Variants in ZNF653 observed in about 807,000 individuals in gnomAD.
The protein encoded by ZNF653 is zinc finger protein 653.
In ZNF653, 37 loss-of-function variants were observed where a neutral mutation model predicts 59.9. The ratio of observed to expected loss-of-function variants is 0.62; its 90% CI spans 0.48 to 0.81. ZNF653 has a LOEUF of 0.81. ZNF653 is among the 40% of genes least tolerant of loss of function. ZNF653 has a pLI of 0.00. For synonymous variants in ZNF653, 435 were observed against 371.8 expected, an observed-to-expected ratio of 1.17 and a Z score of -1.96; for missense variants, 808 against 881.1, an observed-to-expected ratio of 0.92 and a Z score of 1.05.
chr19:11,488,142 C>G (rs995803869), intron 3 of ZNF653, among the ~76,000 whole-genome samples: 5 of 146,946 alleles, frequency 3.4e-5, no homozygotes, highest in Admixed American at 2.7e-4. Flanking sequence ...TGTGCGCCAC[C>G]ACACCTGGCT....
chr19:11,500,456 T>G (rs999998946), intron 1 of ZNF653, among the ~76,000 whole-genome samples: 4 of 152,186 alleles, frequency 2.6e-5, no homozygotes, highest in African/African-American at 9.7e-5. Flanking sequence ...TGCCTCAGCC[T>G]CCTGAGTAGC....
At position 11,505,521 on chromosome 19, in the gene ZNF653, G is replaced by A. The variant is rs1174948224; in HGVS notation, c.266C>T (p.Ser89Phe). 2.0e-6 allele frequency: 3 copies of A among 1,514,520 alleles called. No homozygotes were observed. Among genetic ancestry groups the A allele is most frequent in the African/African-American group, 2.9e-5 (2 of 69,170 alleles). The allele number at this position is 1,514,520 out of a possible 1,614,324, so 93.8% of individuals were successfully genotyped here. Residue 89 changes from serine (S) to phenylalanine (F), a missense_variant, in exon 1 of 9, where the codon TCT (serine) becomes TTT (phenylalanine). Coordinates refer to ENST00000293771, the MANE Select transcript of ZNF653 (RefSeq NM_138783.4). Reference sequence around the variant, plus strand: ...GCCGCTCCGCTGGCCGCGCTCCAGAGAGATGAGGTAGGCGGCGAGCTTGGC... The same window carrying A: ...GCCGCTCCGCTGGCCGCGCTCCAGAAAGATGAGGTAGGCGGCGAGCTTGGC... ...SDAKLAAYLI[S>F]LERGQRSGRH...
In ZNF653 at chr19:11,490,769, G is replaced by A. The variant is rs1599562925; in HGVS notation, c.560-2866C>T. On this transcript the variant is annotated intron_variant, in intron 3 of 8. Transcript: ENST00000293771. ...CAGCTTCTGCCTACACCTCCATGTC[G>A]AGCTCCAGATTCTTCCATCTCATTG... Among the ~76,000 whole-genome samples, 3 of 152,084 alleles carry A rather than the reference G, an allele frequency of 2.0e-5. No homozygotes were observed. The South Asian group carries it at 6.2e-4, about 32-fold the overall frequency.
intron 3 of ZNF653, among the ~76,000 whole-genome samples, chr19:11,491,406 G>C (rs1397747269): frequency 1.3e-5 from 2 of 152,172 alleles, no homozygotes; most frequent in Non-Finnish European, 2.9e-5. Flanking sequence ...CAGTCTGCAG[G>C]ATGGAAGCAC....
chr19:11,483,900 G>A lies in ZNF653; in HGVS notation c.1671-41C>T, dbSNP rs770567836. ...GGCGGGACGGGGCGGGGTCAGAGTG[G>A]GCGGGGCGGGGCGGGGCCCTACAAG... On this transcript the variant is annotated intron_variant, in intron 8 of 8. Coordinates refer to ENST00000293771, the MANE Select transcript of ZNF653 (RefSeq NM_138783.4). The A allele has an allele frequency of 6.0e-6, 9 of 1,504,010 alleles. No individual in the cohort carries two copies. The African/African-American group carries it at 1.2e-4, about 21-fold the overall frequency. The allele number at this position is 1,504,010 out of a possible 1,614,324, so 93.2% of individuals were successfully genotyped here. A position where few individuals can be genotyped will look rare whatever the true frequency, so the allele number is the denominator to read the frequency against.
Position 11,496,181 on chromosome 19 carries a change from C to A in ZNF653, c.344-16G>T. On this transcript the variant is annotated splice_polypyrimidine_tract_variant and intron_variant, in intron 2 of 8. Coordinates refer to ENST00000293771, the MANE Select transcript of ZNF653 (RefSeq NM_138783.4). Reference sequence around the variant, plus strand: ...CGTCGCCGCCCTATGGACACAGGGCCGAGGAGTGGGTATAAGGGACAGGGC... The same window carrying A: ...CGTCGCCGCCCTATGGACACAGGGCAGAGGAGTGGGTATAAGGGACAGGGC... 1 of 1,610,556 alleles carries A rather than the reference C, an allele frequency of 6.2e-7. No individual in the cohort carries two copies.
chr19:11,484,289 C>T (rs925533636), intron 7 of ZNF653, 148 bp from the exon 8 acceptor site: 1 of 667,330 alleles, frequency 1.5e-6, no homozygotes, highest in South Asian at 1.8e-5. Flanking sequence ...TACGTCCTTC[C>T]CGTGCATTTG....
intron 3 of ZNF653, among the ~76,000 whole-genome samples, chr19:11,493,500 G>A (rs1354987561): frequency 2.0e-5 from 3 of 152,222 alleles, no homozygotes; most frequent in African/African-American, 7.2e-5. Context: ...ACCTGGGGTG[G>A]CAGCAGGGTT....
rs372223093 is a variant in ZNF653, at chr19:11,483,876, G to C, written c.1671-17C>G. The C allele has an allele frequency of 6.5e-4, 1,008 of 1,551,594 alleles. 8 individuals are homozygous for C. In the African/African-American group the frequency reaches 0.012, roughly 19 times the overall value. On this transcript the variant is annotated splice_polypyrimidine_tract_variant and intron_variant, in intron 8 of 8. Transcript: ENST00000293771. ...ATCTCGCACCTGCCGGGAGCCCGTG[G>C]CGGGACGGGGCGGGGTCAGAGTGGG...
chr19:11,494,498 C>A (rs1027867283), intron 3 of ZNF653, among the ~76,000 whole-genome samples: 1 of 151,818 alleles, frequency 6.6e-6, no homozygotes, highest in Non-Finnish European at 1.5e-5. Flanking sequence ...CAAGACCAGC[C>A]GGCCAACATG....
At chr19:11,489,748 C>A (rs1186868746) in intron 3 of ZNF653, among the ~76,000 whole-genome samples, 2 of 152,232 alleles carry the variant, frequency 1.3e-5, no homozygotes, top group Non-Finnish European at 2.9e-5. Context: ...AGATGACTGA[C>A]CCAGCTGACC....
rs187361168 is a variant in ZNF653 at position 11,488,628 on chromosome 19, C to T, written c.560-725G>A. Among the ~76,000 whole-genome samples, 1,105 of 151,162 alleles carry T rather than the reference C, an allele frequency of 7.3e-3. 7 individuals carry two copies. The highest frequency in any genetic ancestry group is 0.012 in the Non-Finnish European group (807 of 67,832). On this transcript the variant is annotated intron_variant, in intron 3 of 8. Coordinates refer to ENST00000293771, the MANE Select transcript of ZNF653 (RefSeq NM_138783.4). ...TCTTTTTTTTTTTGAGATGGAGTCT[C>T]GCTCTGTCACACAGGCTGGAGTGCA... is the stretch of plus-strand genomic sequence containing the variant.
chr19:11,494,279 AC>A (rs1278306006), intron 3 of ZNF653, among the ~76,000 whole-genome samples: 1 of 151,760 alleles, frequency 6.6e-6, no homozygotes, highest in Non-Finnish European at 1.5e-5. Flanking sequence ...CCAAGATCGC[AC>A]CACTGCACTC....
At chr19:11,491,969 C>T (rs1269041251) in intron 3 of ZNF653, among the ~76,000 whole-genome samples, 1 of 152,150 alleles carries the variant, frequency 6.6e-6, no homozygotes, top group African/African-American at 2.4e-5. Flanking sequence ...GGGGAATTTC[C>T]TGACCATTCT....
At chr19:11,485,610 G>A in intron 7 of ZNF653, 46 bp downstream of exon 7, 2 of 1,517,664 alleles carry the variant, frequency 1.3e-6, no homozygotes, top group African/African-American at 1.4e-5. Flanking sequence ...CCAGGCCCAT[G>A]TCCCTGTGTC....
rs921647219 is a variant in ZNF653, at chr19:11,487,957, GTTTA to G, written c.560-58_560-55del. 64 of 1,289,872 alleles carry G rather than the reference GTTTA, an allele frequency of 5.0e-5. No individual in the cohort carries two copies. Among genetic ancestry groups the G allele is most frequent in the Non-Finnish European group, 6.0e-5 (61 of 1,016,136 alleles). 79.9% of individuals were successfully genotyped at this position (1,289,872 alleles called of 1,614,324 possible). ...ATGATAGCTGCAGCCACTGGTATTT[GTTTA>G]TTTAGTTTTTATTTTATTTTATTTA... On this transcript the variant is annotated intron_variant, in intron 3 of 8. Transcript: ENST00000293771. This position sits in a 1 kb window ranked among gnomAD's most constrained non-coding sequence, Gnocchi z 5.1.
In ZNF653 at chr19:11,505,733, C is replaced by T. The variant is rs568281794; in HGVS notation, c.54G>A (p.Ala18=). Residue 18 remains alanine (A), a synonymous_variant, in exon 1 of 9, where the codon GCG becomes GCA. Transcript: ENST00000293771. The part of the protein sequence containing the change: ...PEAEAEAEAG[A]GGEAAAEEGA... ...CCTCCTCGGCTGCTGCCTCCCCGCC[C>T]GCGCCCGCCTCAGCCTCCGCCTCCG... 2,024 of 1,455,806 alleles carry T rather than the reference C, an allele frequency of 1.4e-3. 6 individuals are homozygous for T. Among genetic ancestry groups the T allele is most frequent in the Non-Finnish European group, 1.7e-3 (1,856 of 1,114,202 alleles). 90.2% of individuals were successfully genotyped at this position (1,455,806 alleles called of 1,614,324 possible).
At chr19:11,501,576 C>G (rs779991015) in intron 1 of ZNF653, among the ~76,000 whole-genome samples, 1 of 152,152 alleles carries the variant, frequency 6.6e-6, no homozygotes, top group African/African-American at 2.4e-5. Flanking sequence ...CAGAGCTTTG[C>G]TCCATCACGT....
intron 1 of ZNF653, 64 bp downstream of exon 1, chr19:11,505,424 G>A: frequency 7.4e-7 from 1 of 1,357,822 alleles, no homozygotes; most frequent in Non-Finnish European, 9.4e-7. Flanking sequence ...GAGGGGGCGG[G>A]GTAAAGCCCG....
Sources: allele counts gnomAD v4.1 joint callset (sites outside exome capture counted in the v4.1 genomes callset), GRCh38; gene constraint gnomAD v4.1.1; non-coding constraint Gnocchi (gnomAD v3.1); transcripts MANE v1.5; gene names NCBI Gene and HGNC (gene_info 2026-07-23, HGNC 2026-07-21).